FLT1: variants seen among roughly 807,000 people sequenced by gnomAD.
FLT1 encodes fms related receptor tyrosine kinase 1.
Under a neutral mutation model 156.3 loss-of-function variants are expected in FLT1, and 49 were observed. The ratio of observed to expected loss-of-function variants is 0.31; its 90% CI spans 0.25 to 0.40. The LOEUF (loss-of-function observed/expected upper bound fraction) is 0.40, where lower values mean the gene tolerates loss of function less well. FLT1 is among the 10% of genes least tolerant of loss of function. FLT1 has a pLI of 1.00. For synonymous variants in FLT1, 594 were observed against 583.8 expected, an observed-to-expected ratio of 1.02 and a Z score of -0.25; for missense variants, 1,322 against 1,637.2, an observed-to-expected ratio of 0.81 and a Z score of 3.32.
At chr13:28,485,625 C>T in intron 1 of FLT1, among the ~76,000 whole-genome samples, 1 of 152,088 alleles carries the variant, frequency 6.6e-6, no homozygotes, top group East Asian at 1.9e-4. Flanking sequence ...ATGGTGTGGT[C>T]CATTGTGAGG....
intron 10 of FLT1, among the ~76,000 whole-genome samples, chr13:28,413,466 G>A (rs1876449193): frequency 6.6e-6 from 1 of 151,664 alleles, no homozygotes; most frequent in African/African-American, 2.4e-5. Context: ...CCCGCACTGG[G>A]GTAACTGAAA....
chr13:28,372,576 A>G (rs759252547), intron 14 of FLT1, among the ~76,000 whole-genome samples: 2,490 of 49,624 alleles, frequency 0.05, 161 homozygotes, highest in South Asian at 0.082. Flanking sequence ...GTATATATAT[A>G]TATATATATA....
In FLT1 at chr13:28,301,549, A is replaced by G; in HGVS notation, c.*1618T>C. 4.3e-6 allele frequency: 1 copy of G among 233,364 alleles called. No individual in the cohort carries two copies. The highest frequency in any genetic ancestry group is 1.8e-4 in the South Asian group (1 of 5,534). The allele number at this position is 233,364 out of a possible 1,614,324, so 14.5% of individuals were successfully genotyped here. On this transcript the variant is annotated 3_prime_UTR_variant, in exon 30 of 30. Transcript: ENST00000282397. Reference sequence around the variant, plus strand: ...CGGTTACTTAGAGCTCAGGTTCTACAGTTAAATTACATGGATAAAAGGAAG... The same window carrying G: ...CGGTTACTTAGAGCTCAGGTTCTACGGTTAAATTACATGGATAAAAGGAAG...
rs1043229496 is a variant in FLT1, at chr13:28,453,463, A to G, written c.388+13440T>C. On this transcript the variant is annotated intron_variant, in intron 3 of 29. Coordinates refer to ENST00000282397, the MANE Select transcript of FLT1 (RefSeq NM_002019.4). ...CTTAATGTATCCCAAGGTTGGATAC[A>G]TTCTCTTGGTAAATATGGAGTCAAC... 2.0e-5 allele frequency among the ~76,000 whole-genome samples: 3 copies of G among 152,284 alleles called. No homozygotes were observed. The South Asian group carries it at 6.2e-4, about 32-fold the overall frequency.
intron 15 of FLT1, among the ~76,000 whole-genome samples, chr13:28,355,856 TG>T (rs1872879389): frequency 6.6e-6 from 1 of 152,058 alleles, no homozygotes; most frequent in South Asian, 2.1e-4. Flanking sequence ...GTTCTGAAGG[TG>T]GGGAGAAGAA....
intron 23 of FLT1, among the ~76,000 whole-genome samples, chr13:28,320,954 C>A (rs561490426): frequency 6.6e-6 from 1 of 152,174 alleles, no homozygotes; most frequent in East Asian, 1.9e-4. Flanking sequence ...GGAAGAGAAG[C>A]CAGTACGAGC....
intron 1 of FLT1, among the ~76,000 whole-genome samples, chr13:28,489,663 G>T (rs1881365573): frequency 6.6e-6 from 1 of 152,156 alleles, no homozygotes; most frequent in Admixed American, 6.5e-5. Flanking sequence ...ACAGAGTGAT[G>T]AAAGTGAAGG....
chr13:28,463,940 T>C (rs1271250581), intron 3 of FLT1, among the ~76,000 whole-genome samples: 2 of 144,004 alleles, frequency 1.4e-5, no homozygotes, highest in African/African-American at 5.0e-5. Flanking sequence ...AGGAAACAAA[T>C]AACAAAATAG....
chr13:28,388,901 G>T, intron 13 of FLT1: 1 of 1,064,246 alleles, frequency 9.4e-7, no homozygotes, highest in South Asian at 4.6e-5. Context: ...CTTTCTTTCA[G>T]CTGCCATCAA....
At chr13:28,316,013 G>A (rs1457664622) in intron 25 of FLT1, among the ~76,000 whole-genome samples, 1 of 152,174 alleles carries the variant, frequency 6.6e-6, no homozygotes, top group Non-Finnish European at 1.5e-5. Flanking sequence ...GACTATGTGT[G>A]GGAAAACACT....
chr13:28,464,686 A>T (rs1879757425), intron 3 of FLT1, among the ~76,000 whole-genome samples: 1 of 152,234 alleles, frequency 6.6e-6, no homozygotes, highest in South Asian at 2.1e-4. Flanking sequence ...TCTGTTGTAT[A>T]GTTGAAATGG....
intron 27 of FLT1, among the ~76,000 whole-genome samples, chr13:28,310,895 A>C (rs1191581917): frequency 6.6e-6 from 1 of 152,242 alleles, no homozygotes; most frequent in East Asian, 1.9e-4. Context: ...TTTAAAAAAA[A>C]CATGTAAAGA....
chr13:28,345,629 G>T (rs1872536942), intron 15 of FLT1, 78 bp from the exon 16 acceptor site: 4 of 911,680 alleles, frequency 4.4e-6, no homozygotes, highest in South Asian at 2.8e-5. Flanking sequence ...TTATAAAAGA[G>T]GCTCAGTTTC....
chr13:28,375,732 A>G (rs546101685), intron 14 of FLT1, among the ~76,000 whole-genome samples: 99 of 152,358 alleles, frequency 6.5e-4, no homozygotes, highest in African/African-American at 2.2e-3. Flanking sequence ...CTGCTTAGCT[A>G]ATCACACCAG....
chr13:28,463,201 T>C (rs1277862671), intron 3 of FLT1, among the ~76,000 whole-genome samples: 1 of 152,240 alleles, frequency 6.6e-6, no homozygotes, highest in African/African-American at 2.4e-5. Flanking sequence ...ATTACTTGGG[T>C]ACTTAAATTG....
Position 28,340,818 on chromosome 13 carries a change from G to A in FLT1, c.2356-1518C>T, listed in dbSNP as rs143007797. The stretch of plus-strand genomic sequence containing the variant: ...TAGCTCAAGGCAGAAAGGTTTGCTT[G>A]GCCTCCATAAAGGATGAGAAGCAAA... On this transcript the variant is annotated intron_variant, in intron 16 of 29. Coordinates refer to ENST00000282397, the MANE Select transcript of FLT1 (RefSeq NM_002019.4). 7.1e-3 allele frequency among the ~76,000 whole-genome samples: 1,081 copies of A among 152,260 alleles called. 12 individuals are homozygous for A. Among genetic ancestry groups the A allele is most frequent in the African/African-American group, 0.024 (1,007 of 41,534 alleles).
chr13:28,473,770 GA>G (rs1880348586), intron 1 of FLT1, among the ~76,000 whole-genome samples: 4 of 101,076 alleles, frequency 4.0e-5, no homozygotes, highest in African/African-American at 1.6e-4. Flanking sequence ...AGGAAGGAAG[GA>G]AGGAAGGAAA....
intron 3 of FLT1, among the ~76,000 whole-genome samples, chr13:28,463,677 T>C (rs1235160080): frequency 6.6e-6 from 1 of 152,200 alleles, no homozygotes; most frequent in Non-Finnish European, 1.5e-5. Context: ...GGAGTTTTAT[T>C]AATGCCAGAG....
intron 1 of FLT1, among the ~76,000 whole-genome samples, chr13:28,493,435 GT>G: frequency 6.6e-6 from 1 of 152,120 alleles, no homozygotes; most frequent in South Asian, 2.1e-4. Flanking sequence ...ACTATTACTT[GT>G]TACTTGGAAA....
Sources: gnomAD v4.1 joint callset for allele counts (sites outside exome capture counted in the v4.1 genomes callset) on GRCh38, gnomAD v4.1.1 for gene constraint, MANE v1.5 for transcripts, NCBI Gene and HGNC (gene_info 2026-07-23, HGNC 2026-07-21) for gene names.